Variants in SDF2 observed in about 807,000 individuals in gnomAD.
SDF2 encodes the protein stromal cell-derived factor 2.
In SDF2, 12 loss-of-function variants were observed where a neutral mutation model predicts 20.5. The ratio of observed to expected loss-of-function variants is 0.58; its 90% CI spans 0.37 to 0.95. The LOEUF (loss-of-function observed/expected upper bound fraction) is 0.95. Among genes scored for constraint, SDF2 ranks in the 40% least tolerant of loss-of-function variants. The pLI is 0.01. For synonymous variants in SDF2, 100 were observed against 101.0 expected, an observed-to-expected ratio of 0.99 and a Z score of 0.06; for missense variants, 238 against 263.1, an observed-to-expected ratio of 0.90 and a Z score of 0.66.
intron 2 of SDF2, among the ~76,000 whole-genome samples, 192 bp from the exon 3 acceptor site, chr17:28,649,468 G>T (rs1197113209): frequency 6.6e-6 from 1 of 152,096 alleles, no homozygotes; most frequent in Non-Finnish European, 1.5e-5. Context: ...AGACCAGCCT[G>T]GGCAACATGG....
At chr17:28,654,195 T>C (rs998665655) in intron 2 of SDF2, among the ~76,000 whole-genome samples, 1 of 151,898 alleles carries the variant, frequency 6.6e-6, no homozygotes, top group African/African-American at 2.4e-5. Context: ...GAGCCTGTAG[T>C]GAGGGCTGAG....
At chr17:28,658,945 G>A (rs2071993234) in intron 1 of SDF2, among the ~76,000 whole-genome samples, 1 of 148,824 alleles carries the variant, frequency 6.7e-6, no homozygotes, top group African/African-American at 2.5e-5. Context: ...CAGACTGGGT[G>A]GCCGGGCAGA....
In SDF2 at chr17:28,656,557, C is replaced by T. The variant is rs537370737; in HGVS notation, c.152-1074G>A. 2.0e-5 allele frequency among the ~76,000 whole-genome samples: 3 copies of T among 152,158 alleles called. No homozygotes were observed. The South Asian group carries it at 6.2e-4, about 32-fold the overall frequency. On this transcript the variant is annotated intron_variant, in intron 1 of 2. Coordinates refer to ENST00000247020, the MANE Select transcript of SDF2 (RefSeq NM_006923.4). ...GAGCCAAGATCGCGCCACTGCCCTCCAGCCTGGATGACAGAGCCAGACTCC... is the reference window on the plus strand; with the variant it reads ...GAGCCAAGATCGCGCCACTGCCCTCTAGCCTGGATGACAGAGCCAGACTCC...
At chr17:28,656,173 C>T (rs2071960801) in intron 1 of SDF2, 1 of 152,086 alleles carries the variant, frequency 6.6e-6, no homozygotes, top group Non-Finnish European at 1.5e-5. Flanking sequence ...ACAAATCATA[C>T]TGGGCGTGGT....
chr17:28,660,773 A>G (rs1170436335), intron 1 of SDF2: 1 of 160,948 alleles, frequency 6.2e-6, no homozygotes, highest in Admixed American at 6.4e-5. Flanking sequence ...CCCACCTGAC[A>G]GAACTCTTTC....
At chr17:28,660,893 C>CT (rs111253537) in intron 1 of SDF2, 24 of 159,796 alleles carry the variant, frequency 1.5e-4, no homozygotes, top group South Asian at 1.2e-3. Flanking sequence ...TTAACTTTAT[C>CT]TTTTTTTTTC....
At chr17:28,654,366 A>C (rs1263718566) in intron 2 of SDF2, among the ~76,000 whole-genome samples, 9 of 152,080 alleles carry the variant, frequency 5.9e-5, no homozygotes, top group South Asian at 2.1e-4. Flanking sequence ...AAAAAAAAAA[A>C]AACACTGCAA....
At chr17:28,659,758 G>GAT (rs1201322043) in intron 1 of SDF2, among the ~76,000 whole-genome samples, 1 of 149,984 alleles carries the variant, frequency 6.7e-6, no homozygotes, top group Non-Finnish European at 1.5e-5. Context: ...TATCCCAGAC[G>GAT]GGGCGGCCAG....
chr17:28,656,543 G>A (rs1315234570), intron 1 of SDF2, among the ~76,000 whole-genome samples: 4 of 151,966 alleles, frequency 2.6e-5, no homozygotes, highest in Admixed American at 2.0e-4. Flanking sequence ...AGCCAAGATC[G>A]CGCCACTGCC....
At chr17:28,661,550 G>C (rs1403596586) in intron 1 of SDF2, among the ~76,000 whole-genome samples, 176 bp downstream of exon 1, 1 of 152,200 alleles carries the variant, frequency 6.6e-6, no homozygotes, top group Non-Finnish European at 1.5e-5. Flanking sequence ...AATATTAGGT[G>C]GTGTTGCGAT....
chr17:28,658,288 T>C (rs2071985435), intron 1 of SDF2, among the ~76,000 whole-genome samples: 1 of 151,888 alleles, frequency 6.6e-6, no homozygotes, highest in Non-Finnish European at 1.5e-5. Flanking sequence ...TTGTTCATTC[T>C]TGGGTGTTTC....
At chr17:28,659,638 G>A (rs2072003984) in intron 1 of SDF2, among the ~76,000 whole-genome samples, 1 of 147,888 alleles carries the variant, frequency 6.8e-6, no homozygotes, top group African/African-American at 2.5e-5. Flanking sequence ...TCACTTCCTA[G>A]ACAGGGCGGC....
intron 1 of SDF2, among the ~76,000 whole-genome samples, chr17:28,657,389 CAT>C: frequency 6.6e-6 from 1 of 151,306 alleles, no homozygotes; most frequent in African/African-American, 2.4e-5. Flanking sequence ...TCTAAACGTA[CAT>C]ATATATATAT....
intron 2 of SDF2, chr17:28,651,419 C>T (rs1418902307): frequency 6.6e-6 from 1 of 152,178 alleles, no homozygotes; most frequent in Non-Finnish European, 1.5e-5. Context: ...GCTTCATTCT[C>T]TTAACTAGAT....
intron 2 of SDF2, chr17:28,651,706 A>T (rs2071915938): frequency 6.6e-6 from 1 of 152,200 alleles, no homozygotes; most frequent in Admixed American, 6.5e-5. Context: ...TCCTCATCTA[A>T]ATCCCATCTT....
intron 1 of SDF2, chr17:28,657,814 G>A (rs1187867936): frequency 6.6e-6 from 1 of 152,256 alleles, no homozygotes; most frequent in Non-Finnish European, 1.5e-5. Flanking sequence ...AGGAATTCAA[G>A]ACCAAGCCTA....
At position 28,649,114 on chromosome 17, in the gene SDF2, T is replaced by C. The variant is rs1381959633; in HGVS notation, c.511A>G (p.Ser171Gly). Reference protein sequence around the residue: ...VTGEQYGRPISGQKEVHGMAQ... With the variant: ...VTGEQYGRPIGGQKEVHGMAQ... Reference sequence around the variant, plus strand: ...ATGCCATGCACCTCTTTTTGCCCACTGATAGGTCGACCATATTGTTCTCCT... The same window carrying C: ...ATGCCATGCACCTCTTTTTGCCCACCGATAGGTCGACCATATTGTTCTCCT... Residue 171 changes from serine to glycine, a missense_variant, in exon 3 of 3, where the codon AGT becomes GGT. Physicochemically the swap from Ser to Gly is moderately conservative, Grantham distance 56 (BLOSUM62 0). Transcript: ENST00000247020. 2 of 1,614,130 alleles carry C rather than the reference T, an allele frequency of 1.2e-6. No individual in the cohort carries two copies. Among genetic ancestry groups the C allele is most frequent in the African/African-American group, 2.7e-5 (2 of 74,932 alleles).
intron 2 of SDF2, among the ~76,000 whole-genome samples, chr17:28,649,969 T>A (rs1233504340): frequency 1.3e-5 from 2 of 151,746 alleles, no homozygotes; most frequent in Non-Finnish European, 2.9e-5. Flanking sequence ...TTATTTATTT[T>A]GAGACAGAGT....
At chr17:28,652,904 T>C (rs1013020412) in intron 2 of SDF2, among the ~76,000 whole-genome samples, 11 of 152,092 alleles carry the variant, frequency 7.2e-5, no homozygotes, top group Non-Finnish European at 1.5e-4. Context: ...ATGGCCAAAG[T>C]TGGAACAATT....
Sources: gnomAD v4.1 joint callset for allele counts (sites outside exome capture counted in the v4.1 genomes callset) on GRCh38, gnomAD v4.1.1 for gene constraint, MANE v1.5 for transcripts, NCBI Gene and HGNC (gene_info 2026-07-23, HGNC 2026-07-21) for gene names.